The following CAST variants were observed in gnomAD, a reference collection of about 807,000 sequenced individuals.
CAST encodes the protein calpastatin.
Under a neutral mutation model 119.6 loss-of-function variants are expected in CAST, and 76 were observed. The ratio of observed to expected loss-of-function variants is 0.64; its 90% CI spans 0.53 to 0.77. The LOEUF is 0.77. CAST is among the 30% of genes least tolerant of loss of function. The probability of loss-of-function intolerance (pLI) is 0.00; values close to 1 mark genes in which losing one functional copy is unlikely to be tolerated. For synonymous variants in CAST, 319 were observed against 331.6 expected, an observed-to-expected ratio of 0.96 and a Z score of 0.41; for missense variants, 953 against 946.5, an observed-to-expected ratio of 1.01 and a Z score of -0.09.
the CAST span, among the ~76,000 whole-genome samples, chr5:96,157,343 G>T: frequency 6.6e-6 from 1 of 152,190 alleles, no homozygotes; most frequent in Non-Finnish European, 1.5e-5. Context: ...TTATAATTTG[G>T]ATAATAGGAT....
the CAST span, among the ~76,000 whole-genome samples, chr5:96,019,694 T>A: frequency 6.6e-6 from 1 of 152,216 alleles, no homozygotes; most frequent in Non-Finnish European, 1.5e-5. Flanking sequence ...CTCCCTCCCA[T>A]AAATTCATGT....
intron 1 of CAST, among the ~76,000 whole-genome samples, chr5:96,587,093 T>C (rs1257284512): frequency 6.6e-6 from 1 of 152,246 alleles, no homozygotes; most frequent in Non-Finnish European, 1.5e-5. Context: ...GTTATTTCTT[T>C]CTATAATAGC....
At chr5:96,160,427 G>A in the CAST span, among the ~76,000 whole-genome samples, 1 of 152,102 alleles carries the variant, frequency 6.6e-6, no homozygotes, top group Non-Finnish European at 1.5e-5. Flanking sequence ...CCATGTTGTA[G>A]CAAGTATCAG....
At chr5:96,723,116 T>TTTCG (rs371010985) in intron 4 of CAST, among the ~76,000 whole-genome samples, 10 of 151,892 alleles carry the variant, frequency 6.6e-5, no homozygotes, top group African/African-American at 2.4e-4. Context: ...CTAATTGTTT[T>TTTCG]TTTGTTTGTT....
At chr5:96,583,516 G>GT (rs1289681619) in intron 1 of CAST, among the ~76,000 whole-genome samples, 1 of 152,124 alleles carries the variant, frequency 6.6e-6, no homozygotes, top group Non-Finnish European at 1.5e-5. Context: ...TTCTGGCTCA[G>GT]TTTCCCTTTT....
chr5:96,413,061 G>T, the CAST span: 1 of 565,436 alleles, frequency 1.8e-6, no homozygotes, highest in Non-Finnish European at 2.2e-6. Context: ...AGTCACAACA[G>T]GAAACTAACA....
the CAST span, among the ~76,000 whole-genome samples, chr5:96,428,093 T>G: frequency 6.6e-6 from 1 of 152,190 alleles, no homozygotes; most frequent in African/African-American, 2.4e-5. Flanking sequence ...CGAACACTGG[T>G]GACCCAGGCC....
At chr5:96,368,267 A>G in the CAST span, among the ~76,000 whole-genome samples, 6 of 152,116 alleles carry the variant, frequency 3.9e-5, no homozygotes, top group South Asian at 8.4e-4. Flanking sequence ...TGGGTGGCCA[A>G]TGCGGGTGGA....
chr5:96,460,538 G>A, the CAST span, among the ~76,000 whole-genome samples: 10 of 149,120 alleles, frequency 6.7e-5, no homozygotes, highest in Non-Finnish European at 1.3e-4. Flanking sequence ...AGAACTTAAA[G>A]TAAAATAAAT....
chr5:96,107,574 A>G, the CAST span, among the ~76,000 whole-genome samples: 16 of 152,182 alleles, frequency 1.1e-4, no homozygotes, highest in South Asian at 2.1e-4. Flanking sequence ...TGGCTTGTAG[A>G]GTTTCTGCCG....
chr5:96,705,326 T>C (rs907314729), intron 3 of CAST, among the ~76,000 whole-genome samples: 27 of 151,260 alleles, frequency 1.8e-4, no homozygotes, highest in Middle Eastern at 6.8e-3. Context: ...CAAAAAAATA[T>C]ATATATAAAG....
chr5:96,665,555 TG>T (rs1408601017), intron 1 of CAST, among the ~76,000 whole-genome samples: 9 of 152,042 alleles, frequency 5.9e-5, no homozygotes, highest in Non-Finnish European at 1.2e-4. Flanking sequence ...TGGTGATAGG[TG>T]GGTGGTCACA....
At chr5:96,040,918 A>G in the CAST span, among the ~76,000 whole-genome samples, 3 of 151,948 alleles carry the variant, frequency 2.0e-5, no homozygotes, top group African/African-American at 4.8e-5. Flanking sequence ...CTCTTTTTCT[A>G]TTGATCGGAA....
chr5:96,239,461 G>C, the CAST span, among the ~76,000 whole-genome samples: 1 of 151,842 alleles, frequency 6.6e-6, no homozygotes, highest in Non-Finnish European at 1.5e-5. Flanking sequence ...TTTTTTGGGG[G>C]GAGTATAAAC....
intron 1 of CAST, among the ~76,000 whole-genome samples, chr5:96,542,963 A>C (rs1317373245): frequency 6.6e-6 from 1 of 152,226 alleles, no homozygotes; most frequent in Non-Finnish European, 1.5e-5. Flanking sequence ...ACCATTGTGG[A>C]AGACAGTATG....
chr5:96,693,482 C>T (rs184175962), intron 2 of CAST, among the ~76,000 whole-genome samples: 1 of 152,254 alleles, frequency 6.6e-6, no homozygotes, highest in Non-Finnish European at 1.5e-5. Context: ...CTGTAATTAG[C>T]CCAGGATTGG....
At chr5:96,138,436 G>A in the CAST span, among the ~76,000 whole-genome samples, 1 of 151,718 alleles carries the variant, frequency 6.6e-6, no homozygotes, top group East Asian at 1.9e-4. Context: ...TTCTTCTTTA[G>A]TTATTGTGGT....
At chr5:96,229,520 T>C in the CAST span, among the ~76,000 whole-genome samples, 3 of 152,102 alleles carry the variant, frequency 2.0e-5, no homozygotes, top group African/African-American at 7.2e-5. Flanking sequence ...TGTTAAACAG[T>C]GGTATCTTCC....
At chr5:96,092,742 A>G in the CAST span, among the ~76,000 whole-genome samples, 1 of 152,232 alleles carries the variant, frequency 6.6e-6, no homozygotes, top group Admixed American at 6.5e-5. Context: ...TTTCCGGAAG[A>G]AAAACCTCTT....
Sources: gnomAD v4.1 joint callset for allele counts (sites outside exome capture counted in the v4.1 genomes callset) on GRCh38, gnomAD v4.1.1 for gene constraint, MANE v1.5 for transcripts, NCBI Gene and HGNC (gene_info 2026-07-23, HGNC 2026-07-21) for gene names.